Variants in RFX2 observed in about 807,000 individuals in gnomAD.
RFX2 encodes the protein regulatory factor X2.
In RFX2, 20 loss-of-function variants were observed where a neutral mutation model predicts 87.8. The observed-to-expected ratio is 0.23, with a 90% confidence interval of 0.16 to 0.33. The LOEUF (loss-of-function observed/expected upper bound fraction) is 0.33. Among genes scored for constraint, RFX2 ranks in the 10% least tolerant of loss-of-function variants. The probability of loss-of-function intolerance (pLI) is 1.00; values close to 1 mark genes in which losing one functional copy is unlikely to be tolerated. For missense variants in RFX2, 767 were observed against 1,012.3 expected (o/e 0.76, Z 3.29); for synonymous variants, 397 against 431.3 (o/e 0.92, Z 0.98).
intron 1 of RFX2, among the ~76,000 whole-genome samples, chr19:6,104,837 G>T (rs570492409): frequency 5.9e-5 from 9 of 151,938 alleles, no homozygotes; most frequent in Non-Finnish European, 1.3e-4. Flanking sequence ...TGGGGATATA[G>T]AAGTTAATAA....
At position 6,057,331 on chromosome 19, in the gene RFX2, G is replaced by GA. The variant is rs1466746973; in HGVS notation, c.-8-9828dup. The GA allele has an allele frequency of 3.3e-5, 5 of 152,356 alleles. No individual in the cohort carries two copies. The East Asian group carries it at 9.7e-4, about 29-fold the overall frequency. The allele number at this position is 152,356 out of a possible 1,614,324, so 9.4% of individuals were successfully genotyped here. A position where few individuals can be genotyped will look rare whatever the true frequency, so the allele number is the denominator to read the frequency against. ...CAAAGGGAAGAGGCTTCTGTTTACA[G>GA]AAAAATACTCCCATCACCTAGTAAC... On this transcript the variant is annotated intron_variant, in intron 1 of 17. Coordinates refer to ENST00000303657, the MANE Select transcript of RFX2 (RefSeq NM_000635.4).
chr19:6,016,192 C>T lies in RFX2; in HGVS notation c.677G>A (p.Arg226Gln), dbSNP rs747394691. 3.7e-5 allele frequency: 59 copies of T among 1,614,020 alleles called. No individual in the cohort carries two copies. The highest frequency in any genetic ancestry group is 3.1e-4 in the South Asian group (28 of 91,062). The change falls in exon 7 of 18, where the codon CGG becomes CAG. Residue 226 changes from arginine to glutamine, a missense_variant. Physicochemically the swap from Arg to Gln is conservative, Grantham distance 43. Coordinates refer to ENST00000303657, the MANE Select transcript of RFX2 (RefSeq NM_000635.4). The surrounding 1 kb of genome is among the most constrained non-coding windows in gnomAD (Gnocchi z 5.4). ...PRSSLYNHYLRHCQEHKLDPV... is the reference protein window; with the variant it reads ...PRSSLYNHYLQHCQEHKLDPV... ...GTCTAGCTTGTGCTCCTGGCAGTGCCGAAGGTAGTGGTTGTAAAGAGAACT... is the reference window on the plus strand; with the variant it reads ...GTCTAGCTTGTGCTCCTGGCAGTGCTGAAGGTAGTGGTTGTAAAGAGAACT...
intron 1 of RFX2, among the ~76,000 whole-genome samples, chr19:6,082,645 C>T (rs551505441): frequency 6.6e-6 from 1 of 152,286 alleles, no homozygotes; most frequent in East Asian, 1.9e-4. Flanking sequence ...GTTGCCCAGA[C>T]TGGTCTTGAA....
At chr19:6,086,646 CTGTAAAAG>C (rs1318880574) in intron 1 of RFX2, among the ~76,000 whole-genome samples, 2 of 152,212 alleles carry the variant, frequency 1.3e-5, no homozygotes, top group Admixed American at 6.5e-5. Context: ...GGAAAGGGCA[CTGTAAAAG>C]TGAATTGCAA....
rs1353314399 is a variant in RFX2, at chr19:6,017,958, G to T, written c.598-1687C>A. ...CTCAGCATTAGAAGCTGGGGAGGAA[G>T]AAAGCATTCATCTCCCTTTAATTAT... is the stretch of plus-strand genomic sequence containing the variant. On this transcript the variant is annotated intron_variant, in intron 6 of 17. Transcript: ENST00000303657. The surrounding 1 kb of genome is among the most constrained non-coding windows in gnomAD (Gnocchi z 4.1). Among the ~76,000 whole-genome samples the T allele has an allele frequency of 6.8e-6, 1 of 146,306 alleles. No homozygotes were observed.
At chr19:6,000,695 G>A (rs999133189) in intron 15 of RFX2, among the ~76,000 whole-genome samples, 1 of 152,248 alleles carries the variant, frequency 6.6e-6, no homozygotes, top group East Asian at 1.9e-4. Context: ...CGCCATGCTT[G>A]TGAGGCCTCC....
intron 1 of RFX2, among the ~76,000 whole-genome samples, chr19:6,095,715 G>T (rs973322416): frequency 1.3e-5 from 2 of 152,146 alleles, no homozygotes; most frequent in African/African-American, 4.8e-5. Flanking sequence ...GTCTACGAAT[G>T]CGAGTCAGAG....
chr19:6,099,625 C>T (rs2088086205), intron 1 of RFX2, among the ~76,000 whole-genome samples: 1 of 152,058 alleles, frequency 6.6e-6, no homozygotes, highest in African/African-American at 2.4e-5. Context: ...ATATGAAGCC[C>T]TATGTACAAC....
chr19:6,099,941 T>C (rs568946760), intron 1 of RFX2, among the ~76,000 whole-genome samples: 22 of 152,302 alleles, frequency 1.4e-4, no homozygotes, highest in African/African-American at 5.3e-4. Flanking sequence ...GGTAGAGGCC[T>C]GGGAGGCTGC....
intron 10 of RFX2, 83 bp downstream of exon 10, chr19:6,008,023 G>A (rs930672402): frequency 5.5e-5 from 58 of 1,059,894 alleles, no homozygotes; most frequent in Middle Eastern, 2.0e-4. Context: ...GCTCCTCAGC[G>A]TCACCCGGGG....
intron 5 of RFX2, among the ~76,000 whole-genome samples, chr19:6,037,475 C>T (rs1341383946): frequency 6.6e-6 from 1 of 152,040 alleles, no homozygotes; most frequent in African/African-American, 2.4e-5. Flanking sequence ...ATAAATCTAA[C>T]AAAACATGTA....
intron 1 of RFX2, among the ~76,000 whole-genome samples, chr19:6,084,643 C>CTTTTTTT (rs57501118): frequency 1.4e-5 from 2 of 145,414 alleles, no homozygotes; most frequent in Middle Eastern, 3.5e-3. Context: ...TTCTTTCTTT[C>CTTTTTTT]TTTTTTTTGA....
chr19:6,110,212 T>G lies in RFX2; in HGVS notation c.-9+181A>C, dbSNP rs1840998047. Among the ~76,000 whole-genome samples, 1 of 127,068 alleles carries G rather than the reference T, an allele frequency of 7.9e-6. No homozygotes were observed. Among genetic ancestry groups the G allele is most frequent in the African/African-American group, 3.1e-5 (1 of 32,670 alleles). The allele number at this position is 127,068 out of a possible 152,430, so 83.4% of individuals were successfully genotyped here. ...AAGGAAAGTGGGGACGTCGCCAGGGTCCCCCCAAACTCCGCCGCGCGCGCG... is the reference window on the plus strand; with the variant it reads ...AAGGAAAGTGGGGACGTCGCCAGGGGCCCCCCAAACTCCGCCGCGCGCGCG... On this transcript the variant is annotated intron_variant, in intron 1 of 17. Transcript: ENST00000303657. This position sits in a 1 kb window ranked among gnomAD's most constrained non-coding sequence, Gnocchi z 4.3.
In RFX2 at chr19:6,013,934, C is replaced by T. The variant is rs1218037784; in HGVS notation, c.780-829G>A. 6.6e-6 allele frequency among the ~76,000 whole-genome samples: 1 copy of T among 152,154 alleles called. No homozygotes were observed. Among genetic ancestry groups the T allele is most frequent in the Non-Finnish European group, 1.5e-5 (1 of 68,038 alleles). ...TTGTTGAGCTCCACATGGCTTATCT[C>T]CATTATTATTACCATTATTATTAAC... On this transcript the variant is annotated intron_variant, in intron 7 of 17. Transcript: ENST00000303657. The surrounding 1 kb of genome is among the most constrained non-coding windows in gnomAD (Gnocchi z 4.1).
In RFX2 at chr19:6,016,204, T is replaced by C. The variant is rs2086724047; in HGVS notation, c.665A>G (p.Asn222Ser). 1.2e-6 allele frequency: 2 copies of C among 1,614,046 alleles called. No individual in the cohort carries two copies. The highest frequency in any genetic ancestry group is 1.7e-6 in the Non-Finnish European group (2 of 1,179,926). Reference sequence around the variant, plus strand: ...CTCCTGGCAGTGCCGAAGGTAGTGGTTGTAAAGAGAACTTCTGGGGAGACT... The same window carrying C: ...CTCCTGGCAGTGCCGAAGGTAGTGGCTGTAAAGAGAACTTCTGGGGAGACT... Reference protein sequence around the residue: ...GVSLPRSSLYNHYLRHCQEHK... With the variant: ...GVSLPRSSLYSHYLRHCQEHK... The change falls in exon 7 of 18, where the codon AAC (asparagine) becomes AGC (serine). Residue 222 changes from asparagine to serine, a missense_variant. Transcript: ENST00000303657. This position sits in a 1 kb window ranked among gnomAD's most constrained non-coding sequence, Gnocchi z 5.4.
chr19:6,076,027 G>C (rs1423115747), intron 1 of RFX2, among the ~76,000 whole-genome samples: 1 of 152,182 alleles, frequency 6.6e-6, no homozygotes, highest in Non-Finnish European at 1.5e-5. Flanking sequence ...GGCTTTCGGA[G>C]CTTGGTGTTC....
chr19:6,006,456 G>T (rs935886725), intron 12 of RFX2, among the ~76,000 whole-genome samples: 17 of 146,072 alleles, frequency 1.2e-4, no homozygotes, highest in Non-Finnish European at 1.2e-4. Flanking sequence ...ACCATGCCCA[G>T]CTCATTTTTT....
In RFX2 at chr19:6,026,351, G is replaced by C. The variant is rs190989740; in HGVS notation, c.523-114C>G. 1,739 of 866,630 alleles carry C rather than the reference G, an allele frequency of 2.0e-3. 54 individuals are homozygous for C. In the Admixed American group the frequency reaches 0.038, roughly 19 times the overall value. 53.7% of individuals were successfully genotyped at this position (866,630 alleles called of 1,614,324 possible). A position where few individuals can be genotyped will look rare whatever the true frequency, so the allele number is the denominator to read the frequency against. On this transcript the variant is annotated intron_variant, in intron 5 of 17. Coordinates refer to ENST00000303657, the MANE Select transcript of RFX2 (RefSeq NM_000635.4). The surrounding 1 kb of genome is among the most constrained non-coding windows in gnomAD (Gnocchi z 4.5). ...TTTATTAATATCCAAATAATGATTC[G>C]AGCTCCTACAAAATAAAAATGAGGC...
At position 5,997,263 on chromosome 19, in the gene RFX2, C is replaced by T. The variant is rs555826981; in HGVS notation, c.1860-50G>A. On this transcript the variant is annotated intron_variant, in intron 15 of 17. Transcript: ENST00000303657. This position sits in a 1 kb window ranked among gnomAD's most constrained non-coding sequence, Gnocchi z 4.2. ...GGGACCCTCAGGGGAGCATGGAACC[C>T]GGGCCCCAGGCCAGACTTCATGGCA... 27 of 1,555,818 alleles carry T rather than the reference C, an allele frequency of 1.7e-5. No individual in the cohort carries two copies. In the African/African-American group the frequency reaches 1.8e-4, roughly 10 times the overall value.
Sources: gnomAD v4.1 joint callset for allele counts (sites outside exome capture counted in the v4.1 genomes callset) on GRCh38, gnomAD v4.1.1 for gene constraint, Gnocchi (gnomAD v3.1) non-coding constraint, MANE v1.5 for transcripts, NCBI Gene and HGNC (gene_info 2026-07-23, HGNC 2026-07-21) for gene names.